CDC42BPA: variants seen among roughly 807,000 people sequenced by gnomAD.
CDC42BPA encodes serine/threonine-protein kinase MRCK alpha.
A neutral mutation model predicts 223.5 loss-of-function variants in CDC42BPA; 80 were observed. The observed-to-expected ratio is 0.36, with a 90% CI of 0.30 to 0.43. The LOEUF is 0.43. Ranked by LOEUF, CDC42BPA falls within the 20% of genes least tolerant of loss-of-function variation. The pLI is 1.00. For missense variants in CDC42BPA, 1,743 were observed against 2,099.9 expected (o/e 0.83, Z 3.32); for synonymous variants, 694 against 718.6 (o/e 0.97, Z 0.55).
At chr1:227,140,960 G>C (rs1428372159) in intron 9 of CDC42BPA, among the ~76,000 whole-genome samples, 1 of 152,152 alleles carries the variant, frequency 6.6e-6, no homozygotes, top group African/African-American at 2.4e-5. Context: ...AGGGAAATCA[G>C]GAGGGATCAG....
At chr1:227,299,564 T>A (rs1335826694) in intron 1 of CDC42BPA, among the ~76,000 whole-genome samples, 1 of 152,182 alleles carries the variant, frequency 6.6e-6, no homozygotes, top group Non-Finnish European at 1.5e-5. Flanking sequence ...GATACACTGA[T>A]TAATATCTGC....
In CDC42BPA at chr1:226,994,304, G is replaced by A. The variant is rs1471721927; in HGVS notation, c.5229C>T (p.Ser1743=). 4 of 1,596,078 alleles carry A rather than the reference G, an allele frequency of 2.5e-6. No homozygotes were observed. Among genetic ancestry groups the A allele is most frequent in the Middle Eastern group, 3.3e-4 (2 of 6,032 alleles). Residue 1743 remains serine, a synonymous_variant, in exon 37 of 37, where the codon TCC becomes TCT. Transcript: ENST00000366766. This position sits in a 1 kb window ranked among gnomAD's most constrained non-coding sequence, Gnocchi z 4.0. ...AGCTCCCGCGGTCAGTGCTCTCCAG[G>A]GAGAGGCTCTTGGTTTTTCGGGGTG... The part of the protein sequence containing the change: ...PASPRKTKSL[S]LESTDRGSWD...
In CDC42BPA at chr1:227,031,278, T is replaced by G. The variant is rs371933217; in HGVS notation, c.3775+20A>C. ...TTAGTAAACAATGATAATAATATGATAAATGTTATAAATTCATACCTATGA... is the reference window on the plus strand; with the variant it reads ...TTAGTAAACAATGATAATAATATGAGAAATGTTATAAATTCATACCTATGA... On this transcript the variant is annotated intron_variant, in intron 28 of 36. Transcript: ENST00000366766. The G allele has an allele frequency of 2.1e-4, 333 of 1,570,754 alleles. No individual in the cohort carries two copies. The highest frequency in any genetic ancestry group is 2.8e-4 in the Non-Finnish European group (316 of 1,141,484).
chr1:227,020,364 T>C (rs570162523), intron 32 of CDC42BPA, among the ~76,000 whole-genome samples: 1 of 152,382 alleles, frequency 6.6e-6, no homozygotes, highest in East Asian at 1.9e-4. Context: ...ATCTTCTTCC[T>C]ACAGAAGTCT....
At chr1:227,016,542 A>C (rs1363108801) in intron 33 of CDC42BPA, among the ~76,000 whole-genome samples, 1 of 152,218 alleles carries the variant, frequency 6.6e-6, no homozygotes, top group Non-Finnish European at 1.5e-5. Context: ...AACTGTAAAT[A>C]CTACAGTCCT....
chr1:226,998,978 G>A (rs1211327695), intron 35 of CDC42BPA, among the ~76,000 whole-genome samples: 1 of 152,140 alleles, frequency 6.6e-6, no homozygotes, highest in African/African-American at 2.4e-5. Context: ...CAAAAAGTGG[G>A]TGAAGAATAT....
chr1:227,225,009 C>CA (rs1676608711), intron 2 of CDC42BPA, among the ~76,000 whole-genome samples: 1 of 152,136 alleles, frequency 6.6e-6, no homozygotes. Flanking sequence ...ATGGAGCACA[C>CA]ATTCTAGCTT....
chr1:227,079,527 A>C (rs1680197629), intron 17 of CDC42BPA, among the ~76,000 whole-genome samples: 1 of 152,160 alleles, frequency 6.6e-6, no homozygotes, highest in African/African-American at 2.4e-5. Flanking sequence ...ACAAATATCA[A>C]GTCATAATTT....
intron 11 of CDC42BPA, among the ~76,000 whole-genome samples, chr1:227,124,185 G>C (rs938127236): frequency 6.6e-6 from 1 of 152,102 alleles, no homozygotes; most frequent in Non-Finnish European, 1.5e-5. Flanking sequence ...TAGAAGCTCA[G>C]AGTATGGTAA....
At chr1:227,238,777 T>C (rs760860397) in intron 2 of CDC42BPA, among the ~76,000 whole-genome samples, 50 of 152,156 alleles carry the variant, frequency 3.3e-4, no homozygotes, top group South Asian at 2.1e-4. Flanking sequence ...GCTCAGTGTA[T>C]AAGAAAGATG....
At chr1:227,291,629 T>G (rs934929299) in intron 1 of CDC42BPA, among the ~76,000 whole-genome samples, 1 of 152,124 alleles carries the variant, frequency 6.6e-6, no homozygotes, top group African/African-American at 2.4e-5. Context: ...CTTTGGATAT[T>G]TGATAATACT....
chr1:227,207,811 T>C (rs1414830535), intron 3 of CDC42BPA, among the ~76,000 whole-genome samples: 121 of 126,324 alleles, frequency 9.6e-4, no homozygotes, highest in Middle Eastern at 3.5e-3. Flanking sequence ...TTGTGAATAA[T>C]GCCGCAATAA....
intron 4 of CDC42BPA, among the ~76,000 whole-genome samples, chr1:227,196,936 A>G (rs1670859018): frequency 6.6e-6 from 1 of 152,192 alleles, no homozygotes; most frequent in Non-Finnish European, 1.5e-5. Context: ...CAATGTTGAT[A>G]TAACTAAGCA....
At chr1:227,220,552 G>A (rs1675719390) in intron 2 of CDC42BPA, among the ~76,000 whole-genome samples, 2 of 151,724 alleles carry the variant, frequency 1.3e-5, no homozygotes, top group African/African-American at 4.8e-5. Context: ...GTGCCACCCT[G>A]CCACCACAAA....
At chr1:227,060,717 CTTTTTTT>C (rs59728048) in intron 21 of CDC42BPA, among the ~76,000 whole-genome samples, 1 of 95,452 alleles carries the variant, frequency 1.0e-5, no homozygotes, top group African/African-American at 4.3e-5. Flanking sequence ...TAAATAGGTA[CTTTTTTT>C]TTTTTTTTTT....
intron 6 of CDC42BPA, among the ~76,000 whole-genome samples, chr1:227,149,747 T>G (rs1661377351): frequency 6.6e-6 from 1 of 152,002 alleles, no homozygotes; most frequent in South Asian, 2.1e-4. Context: ...TATGAAGACT[T>G]AAAAAACGGA....
intron 2 of CDC42BPA, among the ~76,000 whole-genome samples, chr1:227,230,872 G>A (rs1677789489): frequency 1.5e-5 from 2 of 130,992 alleles, no homozygotes; most frequent in African/African-American, 5.6e-5. Context: ...CCAGGCTGGA[G>A]TGCAGTGGCG....
chr1:227,202,000 T>C (rs187509391), intron 3 of CDC42BPA, among the ~76,000 whole-genome samples: 135 of 152,294 alleles, frequency 8.9e-4, no homozygotes, highest in Non-Finnish European at 1.3e-3. Flanking sequence ...CACTATGCTT[T>C]GGTTCTTTTT....
chr1:227,276,536 C>T (rs1191346071), intron 1 of CDC42BPA, among the ~76,000 whole-genome samples: 1 of 133,412 alleles, frequency 7.5e-6, no homozygotes, highest in African/African-American at 2.8e-5. Flanking sequence ...CCGGGAGGTG[C>T]GGGGCGCCTC....
Sources: gnomAD v4.1 joint callset for allele counts (sites outside exome capture counted in the v4.1 genomes callset) on GRCh38, gnomAD v4.1.1 for gene constraint, Gnocchi (gnomAD v3.1) non-coding constraint, MANE v1.5 for transcripts, NCBI Gene and HGNC (gene_info 2026-07-23, HGNC 2026-07-21) for gene names.